CNTNAP5: variants seen among roughly 807,000 people sequenced by gnomAD.
CNTNAP5 encodes the protein contactin associated protein family member 5.
Under a neutral mutation model 150.2 loss-of-function variants are expected in CNTNAP5, and 72 were observed. The observed-to-expected ratio is 0.48, with a 90% confidence interval of 0.40 to 0.58. The LOEUF (loss-of-function observed/expected upper bound fraction) is 0.58. Among genes scored for constraint, CNTNAP5 ranks in the 20% least tolerant of loss-of-function variants. The pLI, the probability that CNTNAP5 is intolerant of heterozygous loss-of-function variation, is 0.00. For synonymous variants in CNTNAP5, 672 were observed against 619.8 expected (o/e 1.08, Z -1.25); for missense variants, 1,636 against 1,626.2 (o/e 1.01, Z -0.10).
rs769154073 is a variant in CNTNAP5 at position 124,891,686 on chromosome 2, GTTTA to G, written c.3437-11192_3437-11189del. 4.1e-4 allele frequency among the ~76,000 whole-genome samples: 62 copies of G among 152,246 alleles called. 1 individual carries two copies. The East Asian group carries it at 6.4e-3, about 16-fold the overall frequency. On this transcript the variant is annotated intron_variant, in intron 21 of 23. Coordinates refer to ENST00000682447, the MANE Select transcript of CNTNAP5 (RefSeq NM_001367498.1). ...GAAGGCAGGTGTAGAGAAGAAGAAAGTTTATTTGTTAGAAGAGAGTTGAGGCAGG... is the reference window on the plus strand; with the variant it reads ...GAAGGCAGGTGTAGAGAAGAAGAAAGTTTGTTAGAAGAGAGTTGAGGCAGG...
chr2:124,491,378 C>T (rs1191951449), intron 7 of CNTNAP5, among the ~76,000 whole-genome samples: 1 of 151,818 alleles, frequency 6.6e-6, no homozygotes, highest in African/African-American at 2.4e-5. Flanking sequence ...TGGTTTTCCT[C>T]TTTCTTATAT....
intron 3 of CNTNAP5, among the ~76,000 whole-genome samples, chr2:124,387,144 A>G (rs1690950631): frequency 6.6e-6 from 1 of 152,222 alleles, no homozygotes. Context: ...GTATTTGGTT[A>G]TAGCAATCAG....
rs185257252 is a variant in CNTNAP5, at chr2:124,712,558, A to C, written c.2078-34671A>C. Among the ~76,000 whole-genome samples, 6 of 152,316 alleles carry C rather than the reference A, an allele frequency of 3.9e-5. No individual in the cohort carries two copies. In the East Asian group the frequency reaches 1.2e-3, roughly 29 times the overall value. On this transcript the variant is annotated intron_variant, in intron 13 of 23. Coordinates refer to ENST00000682447, the MANE Select transcript of CNTNAP5 (RefSeq NM_001367498.1). ...TGTGTCAGACAATTCAGGCTGCTAC[A>C]ATAAAATATCATAGATTGGATGGCT... is the stretch of plus-strand genomic sequence containing the variant.
intron 12 of CNTNAP5, among the ~76,000 whole-genome samples, chr2:124,616,248 C>A (rs1318740524): frequency 3.3e-5 from 5 of 152,180 alleles, no homozygotes; most frequent in African/African-American, 9.7e-5. Context: ...CTTAGTGTAG[C>A]CACTTTCATC....
intron 7 of CNTNAP5, among the ~76,000 whole-genome samples, chr2:124,475,363 T>C (rs1693616089): frequency 6.6e-6 from 1 of 152,146 alleles, no homozygotes; most frequent in African/African-American, 2.4e-5. Context: ...AATGATTTTC[T>C]AATTAAGTAA....
At chr2:124,799,314 G>A (rs184600079) in intron 19 of CNTNAP5, among the ~76,000 whole-genome samples, 9 of 152,282 alleles carry the variant, frequency 5.9e-5, no homozygotes, top group African/African-American at 9.6e-5. Flanking sequence ...TGGCTACTGC[G>A]AGTTAAAATT....
chr2:124,500,676 G>A (rs1046447955), intron 7 of CNTNAP5, among the ~76,000 whole-genome samples: 1 of 152,138 alleles, frequency 6.6e-6, no homozygotes, highest in African/African-American at 2.4e-5. Flanking sequence ...TTAGATCAAG[G>A]AAAGAGTCTT....
intron 19 of CNTNAP5, among the ~76,000 whole-genome samples, chr2:124,827,701 T>C (rs1228000079): frequency 3.9e-5 from 6 of 152,234 alleles, no homozygotes. Context: ...TAATACATTT[T>C]CCTTTTTTAT....
At position 124,840,486 on chromosome 2, in the gene CNTNAP5, T is replaced by C. The variant is rs1225730019; in HGVS notation, c.3218-24820T>C. Among the ~76,000 whole-genome samples the C allele has an allele frequency of 5.3e-5, 8 of 152,082 alleles. No homozygotes were observed. The South Asian group carries it at 1.0e-3, about 20-fold the overall frequency. ...GAAAGCAGAGGCATTGGCTATGTAG[T>C]CTCAGAATCCAGCAAACGAAAGGTG... On this transcript the variant is annotated intron_variant, in intron 19 of 23. Coordinates refer to ENST00000682447, the MANE Select transcript of CNTNAP5 (RefSeq NM_001367498.1).
At chr2:124,461,432 A>G in intron 6 of CNTNAP5, among the ~76,000 whole-genome samples, 1 of 150,678 alleles carries the variant, frequency 6.6e-6, no homozygotes, top group Non-Finnish European at 1.5e-5. Context: ...CAAGAACAAA[A>G]AACCAAACAC....
At chr2:124,781,197 G>A (rs1681443518) in intron 17 of CNTNAP5, among the ~76,000 whole-genome samples, 1 of 152,132 alleles carries the variant, frequency 6.6e-6, no homozygotes, top group African/African-American at 2.4e-5. Flanking sequence ...CTGGGCAATG[G>A]GGTCATGGAG....
intron 19 of CNTNAP5, among the ~76,000 whole-genome samples, chr2:124,807,398 C>A (rs1399973162): frequency 1.3e-5 from 2 of 152,190 alleles, no homozygotes; most frequent in African/African-American, 4.8e-5. Flanking sequence ...ATGCCACTGT[C>A]TTTGATCTTT....
chr2:124,599,334 T>A (rs922823564), intron 11 of CNTNAP5, among the ~76,000 whole-genome samples: 1 of 152,186 alleles, frequency 6.6e-6, no homozygotes, highest in African/African-American at 2.4e-5. Context: ...TCAACAAATA[T>A]CTATAGTTGT....
At chr2:124,215,458 G>A (rs113606171) in intron 1 of CNTNAP5, among the ~76,000 whole-genome samples, 1,655 of 152,124 alleles carry the variant, frequency 0.011, 30 homozygotes, top group African/African-American at 0.038. Flanking sequence ...CCTTTACCTT[G>A]TAATTAATAT....
chr2:124,641,491 T>C (rs991598688), intron 12 of CNTNAP5, among the ~76,000 whole-genome samples: 2 of 152,132 alleles, frequency 1.3e-5, no homozygotes, highest in African/African-American at 4.8e-5. Flanking sequence ...AAAAATTAAA[T>C]AACTATCAAT....
chr2:124,485,465 T>C (rs1009629147), intron 7 of CNTNAP5, among the ~76,000 whole-genome samples: 38 of 151,356 alleles, frequency 2.5e-4, no homozygotes, highest in African/African-American at 8.7e-4. Context: ...TACAAAAAAT[T>C]AACCAGGCGT....
intron 1 of CNTNAP5, among the ~76,000 whole-genome samples, chr2:124,131,652 G>A (rs76792142): frequency 1.1e-3 from 160 of 152,262 alleles, no homozygotes; most frequent in Non-Finnish European, 1.2e-3. Context: ...ATGTGTTTGC[G>A]TAGTGCAGCT....
chr2:124,834,586 G>A (rs1414265111), intron 19 of CNTNAP5, among the ~76,000 whole-genome samples: 1 of 152,016 alleles, frequency 6.6e-6, no homozygotes, highest in African/African-American at 2.4e-5. Context: ...ATGGAGACAG[G>A]GGCTGGTGTG....
At chr2:124,718,647 T>C (rs1679991278) in intron 13 of CNTNAP5, among the ~76,000 whole-genome samples, 1 of 152,128 alleles carries the variant, frequency 6.6e-6, no homozygotes, top group Non-Finnish European at 1.5e-5. Context: ...AAATCCTGTC[T>C]CTTTAGTGAC....
Sources: gnomAD v4.1 joint callset for allele counts (sites outside exome capture counted in the v4.1 genomes callset) on GRCh38, gnomAD v4.1.1 for gene constraint, MANE v1.5 for transcripts, NCBI Gene and HGNC (gene_info 2026-07-23, HGNC 2026-07-21) for gene names.